The following CLK2 variants were observed in gnomAD, a reference collection of about 807,000 sequenced individuals.
CLK2 encodes dual specificity protein kinase CLK2.
Under a neutral mutation model 73.5 loss-of-function variants are expected in CLK2, and 12 were observed. The observed-to-expected ratio is 0.16, with a 90% CI of 0.10 to 0.26. The LOEUF (loss-of-function observed/expected upper bound fraction) is 0.26. Among genes scored for constraint, CLK2 ranks in the 10% least tolerant of loss-of-function variants. The pLI, the probability that CLK2 is intolerant of heterozygous loss-of-function variation, is 1.00. For missense variants in CLK2, 509 were observed against 688.4 expected (o/e 0.74, Z 2.92); for synonymous variants, 232 against 237.9 (o/e 0.98, Z 0.23).
intron 7 of CLK2, among the ~76,000 whole-genome samples, chr1:155,266,165 T>TA (rs11389873): frequency 0.51 from 76,193 of 149,264 alleles, 23,780 homozygotes; most frequent in Non-Finnish European, 0.7. Context: ...TCAACTGATG[T>TA]AAAAAAAAAA....
chr1:155,263,328 G>T lies in CLK2; in HGVS notation c.1390C>A (p.Pro464Thr), dbSNP rs1410216383. 6.2e-7 allele frequency: 1 copy of T among 1,614,192 alleles called. No individual in the cohort carries two copies. Among genetic ancestry groups the T allele is most frequent in the East Asian group, 2.2e-5 (1 of 44,892 alleles). ...DLIESMLEYE[P>T]AKRLTLGEAL... ...TCACCCAAGGTCAGCCGCTTAGCTGGTTCATACTCTAGCATGCTTTCAATC... is the reference window on the plus strand; with the variant it reads ...TCACCCAAGGTCAGCCGCTTAGCTGTTTCATACTCTAGCATGCTTTCAATC... The change falls in exon 13 of 13, where the codon CCA becomes ACA. Residue 464 changes from proline (P) to threonine (T), a missense_variant. Pro to Thr is a conservative substitution (Grantham distance 38). Coordinates refer to ENST00000368361, the MANE Select transcript of CLK2 (RefSeq NM_001294338.2).
intron 12 of CLK2, 163 bp downstream of exon 12, chr1:155,263,787 A>G (rs1471402481): frequency 2.2e-6 from 2 of 911,552 alleles, no homozygotes; most frequent in South Asian, 5.1e-5. Flanking sequence ...CCACAAAACC[A>G]CTCCCTCTTA....
intron 8 of CLK2, 48 bp downstream of exon 8, chr1:155,265,812 T>C (rs1428853188): frequency 8.1e-7 from 1 of 1,227,160 alleles, no homozygotes; most frequent in Middle Eastern, 1.9e-4. Context: ...GGCAAAGTGG[T>C]GCAGCTGCCT....
In CLK2 at chr1:155,271,120, T is replaced by C. The variant is rs1330740823; in HGVS notation, c.1-143A>G. ...CCAGGCACAACTTCCTCAGTCTTCC[T>C]CTGTACTTACAATTCCTCCTTATTG... On this transcript the variant is annotated intron_variant, in intron 1 of 12. Transcript: ENST00000368361. The C allele has an allele frequency of 3.7e-6, 3 of 818,822 alleles. No homozygotes were observed. In the Admixed American group the frequency reaches 7.7e-5, roughly 21 times the overall value. The allele number at this position is 818,822 out of a possible 1,614,324, so 50.7% of individuals were successfully genotyped here. A position where few individuals can be genotyped will look rare whatever the true frequency, so the allele number is the denominator to read the frequency against.
At position 155,264,189 on chromosome 1, in the gene CLK2, A is replaced by T. The variant is rs1465352371; in HGVS notation, c.1226+32T>A. ...GACCAATTCTGTGGAGAGAAAAGGA[A>T]AAGAGTTAACTAGTGCCCCCTCAAG... On this transcript the variant is annotated intron_variant, in intron 11 of 12. Transcript: ENST00000368361. 2.0e-5 allele frequency: 32 copies of T among 1,611,396 alleles called. No individual in the cohort carries two copies. In the Admixed American group the frequency reaches 5.2e-4, roughly 26 times the overall value.
At chr1:155,270,244 G>A (rs942638517) in intron 2 of CLK2, among the ~76,000 whole-genome samples, 1 of 151,834 alleles carries the variant, frequency 6.6e-6, no homozygotes, top group Non-Finnish European at 1.5e-5. Context: ...GATGGCGCAT[G>A]CCTGTAGTCC....
In CLK2 at chr1:155,273,238, A is replaced by C. The variant is rs1364040120; in HGVS notation, c.-38T>G. ...GAGGCCCGTGCGCTTGTCCCACAGGAAGTCCGTGATGGCGGCGACACTGCG... is the reference window on the plus strand; with the variant it reads ...GAGGCCCGTGCGCTTGTCCCACAGGCAGTCCGTGATGGCGGCGACACTGCG... On this transcript the variant is annotated 5_prime_UTR_variant, in exon 1 of 13. Transcript: ENST00000368361. The C allele has an allele frequency of 1.3e-5, 2 of 151,542 alleles. No homozygotes were observed. Among genetic ancestry groups the C allele is most frequent in the African/African-American group, 4.9e-5 (2 of 41,066 alleles). The allele number at this position is 151,542 out of a possible 1,614,324, so 9.4% of individuals were successfully genotyped here.
chr1:155,265,097 T>C (rs891392351), intron 8 of CLK2, among the ~76,000 whole-genome samples: 3 of 152,184 alleles, frequency 2.0e-5, no homozygotes, highest in African/African-American at 7.2e-5. Flanking sequence ...ATGTAACATG[T>C]AGCAAATGGG....
chr1:155,269,562 G>T lies in CLK2; in HGVS notation c.325C>A (p.Arg109Ser), dbSNP rs139555196. ...TTCCTCCGGCTGCTGCGCTGGCTGC[G>T]GTAACTGCTGTTCTCCCGCTGATAT... ...YEYQRENSSY[R>S]SQRSSRRKHR... The change falls in exon 3 of 13, where the codon CGC (arginine) becomes AGC (serine). Residue 109 changes from arginine (R) to serine (S), a missense_variant. Around this residue, in one of 6 missense-constraint regions of CLK2, gnomAD observed 222 missense variants for 221.7 expected, o/e 1.00. Transcript: ENST00000368361. The T allele has an allele frequency of 1.1e-5, 17 of 1,614,030 alleles. No individual in the cohort carries two copies. The highest frequency in any genetic ancestry group is 1.6e-4 in the Middle Eastern group (1 of 6,084).
rs781114730 is a variant in CLK2 at position 155,268,289 on chromosome 1, T to C, written c.554+4A>G. Reference sequence around the variant, plus strand: ...CCACATAGTAGGGAGGGACTGACAGTTACCTGCGATGGTCAACACATTGTA... The same window carrying C: ...CCACATAGTAGGGAGGGACTGACAGCTACCTGCGATGGTCAACACATTGTA... On this transcript the variant is annotated splice_donor_region_variant and intron_variant, in intron 5 of 12. Transcript: ENST00000368361. This position sits in a 1 kb window ranked among gnomAD's most constrained non-coding sequence, Gnocchi z 5.6. The C allele has an allele frequency of 3.1e-6, 5 of 1,613,860 alleles. No individual in the cohort carries two copies. In the Admixed American group the frequency reaches 8.3e-5, roughly 27 times the overall value.
intron 7 of CLK2, among the ~76,000 whole-genome samples, chr1:155,266,188 A>C (rs975756243): frequency 4.6e-5 from 7 of 151,976 alleles, no homozygotes; most frequent in Non-Finnish European, 8.8e-5. Flanking sequence ...GTTTGCTTTG[A>C]GTTGTAGTGT....
rs1038536692 is a variant in CLK2 at position 155,268,905 on chromosome 1, G to C, written c.400-110C>G. ...CGGTCACAGGCGCCCAGCCAGGGGG[G>C]ACAGACGATGATGGGGGACAGTGGA... On this transcript the variant is annotated intron_variant, in intron 3 of 12. Coordinates refer to ENST00000368361, the MANE Select transcript of CLK2 (RefSeq NM_001294338.2). The surrounding 1 kb of genome is among the most constrained non-coding windows in gnomAD (Gnocchi z 5.6). 4.3e-6 allele frequency: 3 copies of C among 695,180 alleles called. No individual in the cohort carries two copies. The highest frequency in any genetic ancestry group is 5.2e-6 in the Non-Finnish European group (2 of 384,548). The allele number at this position is 695,180 out of a possible 1,614,324, so 43.1% of individuals were successfully genotyped here.
chr1:155,270,776 CTG>C (rs1557936704), intron 2 of CLK2, 30 bp downstream of exon 2: 4 of 1,589,312 alleles, frequency 2.5e-6, no homozygotes, highest in Non-Finnish European at 3.4e-6. Context: ...GCGAGTGACC[CTG>C]TGTTTGAGTA....
intron 11 of CLK2, 28 bp from the exon 12 acceptor site, chr1:155,264,068 C>G: frequency 6.3e-7 from 1 of 1,593,332 alleles, no homozygotes; most frequent in Non-Finnish European, 8.6e-7. Context: ...GTTGAGGAAT[C>G]AGAAGGTCAC....
Position 155,268,780 on chromosome 1 carries a change from T to C in CLK2, c.415A>G (p.Arg139Gly), listed in dbSNP as rs1376963596. The change falls in exon 4 of 13, where the codon AGA becomes GGA. Residue 139 changes from arginine to glycine, a missense_variant. By Grantham distance (125) the Arg-to-Gly change is moderately radical. Transcript: ENST00000368361. This position sits in a 1 kb window ranked among gnomAD's most constrained non-coding sequence, Gnocchi z 5.6. The part of the protein sequence containing the change: ...SRSSSQHSSR[R>G]AKSVEDDAEG... ...GCGTCGTCCTCTACACTCTTGGCTC[T>C]CCGGCTGCTGTGCTGCTGTCGGGGG... 6.6e-7 allele frequency: 1 copy of C among 1,507,176 alleles called. No homozygotes were observed. Among genetic ancestry groups the C allele is most frequent in the Admixed American group, 1.8e-5 (1 of 56,326 alleles). The allele number at this position is 1,507,176 out of a possible 1,614,324, so 93.4% of individuals were successfully genotyped here.
At position 155,264,738 on chromosome 1, in the gene CLK2, G is replaced by T; in HGVS notation, c.970C>A (p.Arg324=). The T allele has an allele frequency of 1.2e-6, 2 of 1,614,212 alleles. No individual in the cohort carries two copies. The highest frequency in any genetic ancestry group is 1.7e-6 in the Non-Finnish European group (2 of 1,180,034). The change falls in exon 9 of 13, where the codon CGG becomes AGG. Residue 324 remains arginine, a synonymous_variant. Coordinates refer to ENST00000368361, the MANE Select transcript of CLK2 (RefSeq NM_001294338.2). ...GTGGCACTGCCAAAGTCTACCACCC[G>T]CACAGCTGTGCTCTTCACACTGCGC... ...DERSVKSTAV[R]VVDFGSATFD... is the part of the protein sequence containing the mutation.
In CLK2 at chr1:155,268,805, G is replaced by A. The variant is rs763942040; in HGVS notation, c.400-10C>T. The A allele has an allele frequency of 1.1e-5, 17 of 1,609,388 alleles. No individual in the cohort carries two copies. Among genetic ancestry groups the A allele is most frequent in the Admixed American group, 1.7e-5 (1 of 59,960 alleles). On this transcript the variant is annotated splice_polypyrimidine_tract_variant and intron_variant, in intron 3 of 12. Coordinates refer to ENST00000368361, the MANE Select transcript of CLK2 (RefSeq NM_001294338.2). This position sits in a 1 kb window ranked among gnomAD's most constrained non-coding sequence, Gnocchi z 5.6. ...TCCGGCTGCTGTGCTGCTGTCGGGG[G>A]GCAGGGGGGGTCGGAGCAAGCCAGG... is the stretch of plus-strand genomic sequence containing the variant.
chr1:155,268,763 C>T lies in CLK2; in HGVS notation c.432G>A (p.Glu144=). The T allele has an allele frequency of 1.2e-6, 2 of 1,613,334 alleles. No homozygotes were observed. Among genetic ancestry groups the T allele is most frequent in the Non-Finnish European group, 1.7e-6 (2 of 1,179,880 alleles). The change falls in exon 4 of 13, where the codon GAG becomes GAA. Residue 144 remains glutamate (E), a synonymous_variant. Coordinates refer to ENST00000368361, the MANE Select transcript of CLK2 (RefSeq NM_001294338.2). This position sits in a 1 kb window ranked among gnomAD's most constrained non-coding sequence, Gnocchi z 5.6. ...QHSSRRAKSV[E]DDAEGHLIYH... The stretch of plus-strand genomic sequence containing the variant: ...AGATGAGGTGGCCCTCAGCGTCGTC[C>T]TCTACACTCTTGGCTCTCCGGCTGC...
chr1:155,271,346 C>T (rs1673496471), intron 1 of CLK2, among the ~76,000 whole-genome samples: 2 of 152,218 alleles, frequency 1.3e-5, no homozygotes, highest in South Asian at 4.1e-4. Context: ...CTGCCTCAGC[C>T]TCCTGTGTAG....
Sources: allele counts gnomAD v4.1 joint callset (sites outside exome capture counted in the v4.1 genomes callset), GRCh38; gene constraint gnomAD v4.1.1; regional missense constraint gnomAD v4.1.1; non-coding constraint Gnocchi (gnomAD v3.1); transcripts MANE v1.5; gene names NCBI Gene and HGNC (gene_info 2026-07-23, HGNC 2026-07-21).